The following LRMDA variants were observed in gnomAD, a reference collection of about 807,000 sequenced individuals.
The protein encoded by LRMDA is leucine rich melanocyte differentiation associated.
A neutral mutation model predicts 29.8 loss-of-function variants in LRMDA; 18 were observed. The observed-to-expected ratio is 0.60, with a 90% CI of 0.42 to 0.90. The LOEUF is 0.90. Among genes scored for constraint, LRMDA ranks in the 40% least tolerant of loss-of-function variants. The pLI, the probability that LRMDA is intolerant of heterozygous loss-of-function variation, is 0.00. For synonymous variants in LRMDA, 125 were observed against 109.4 expected, an observed-to-expected ratio of 1.14 and a Z score of -0.89; for missense variants, 273 against 273.9, an observed-to-expected ratio of 1.00 and a Z score of 0.02.
chr10:75,536,043 C>G (rs1342996303), intron 2 of LRMDA, among the ~76,000 whole-genome samples: 1 of 152,206 alleles, frequency 6.6e-6, no homozygotes, highest in East Asian at 1.9e-4. Flanking sequence ...TCCTTATTGT[C>G]TGACCTGGCT....
intron 2 of LRMDA, among the ~76,000 whole-genome samples, chr10:75,956,784 G>T (rs1449637468): frequency 6.6e-6 from 1 of 152,214 alleles, no homozygotes; most frequent in Non-Finnish European, 1.5e-5. Context: ...CCTTTTTAAG[G>T]ATATGACATC....
chr10:75,448,365 C>A (rs1022483586), intron 2 of LRMDA, among the ~76,000 whole-genome samples: 2 of 152,136 alleles, frequency 1.3e-5, no homozygotes, highest in African/African-American at 4.8e-5. Context: ...ACTGCCCCAC[C>A]CTCTCCCTCT....
At chr10:75,889,571 G>A (rs1328339316) in intron 2 of LRMDA, among the ~76,000 whole-genome samples, 1 of 152,184 alleles carries the variant, frequency 6.6e-6, no homozygotes, top group East Asian at 1.9e-4. Context: ...GGAGGTAACT[G>A]TGAGCAGCAA....
At chr10:75,924,214 G>T (rs567172099) in intron 2 of LRMDA, among the ~76,000 whole-genome samples, 4 of 152,112 alleles carry the variant, frequency 2.6e-5, no homozygotes, top group Admixed American at 1.3e-4. Context: ...TTTTAAAGCC[G>T]TGCAATGCAG....
intron 6 of LRMDA, among the ~76,000 whole-genome samples, chr10:76,520,635 G>T (rs1265086446): frequency 2.0e-5 from 3 of 152,024 alleles, no homozygotes; most frequent in African/African-American, 7.2e-5. Flanking sequence ...ACATTCTCAC[G>T]TAACCAAAGT....
At chr10:76,253,006 C>A (rs954264302) in intron 5 of LRMDA, among the ~76,000 whole-genome samples, 3 of 152,192 alleles carry the variant, frequency 2.0e-5, no homozygotes, top group African/African-American at 7.2e-5. Context: ...ATGAGCGGGG[C>A]AACTTCCAGG....
At chr10:76,223,600 T>TTACC (rs1282900028) in intron 5 of LRMDA, among the ~76,000 whole-genome samples, 1 of 152,200 alleles carries the variant, frequency 6.6e-6, no homozygotes, top group African/African-American at 2.4e-5. Flanking sequence ...ATTAATGCCC[T>TTACC]TACCTGTGGG....
intron 2 of LRMDA, among the ~76,000 whole-genome samples, chr10:75,527,207 C>T (rs988394579): frequency 1.3e-5 from 2 of 152,222 alleles, no homozygotes; most frequent in Non-Finnish European, 2.9e-5. Flanking sequence ...TATGCCAATA[C>T]TTCATTCCTT....
Position 76,259,393 on chromosome 10 carries a change from T to C in LRMDA, c.517-65008T>C, listed in dbSNP as rs140752887. 8.3e-4 allele frequency among the ~76,000 whole-genome samples: 126 copies of C among 152,280 alleles called. 1 individual carries two copies. Among genetic ancestry groups the C allele is most frequent in the Middle Eastern group, 3.4e-3 (1 of 294 alleles). ...ACAGTTTCCAGCATTCCTTTTGTTA[T>C]TGACTTCTAGTTTTATTCTATTGTC... On this transcript the variant is annotated intron_variant, in intron 5 of 6. Coordinates refer to ENST00000611255, the MANE Select transcript of LRMDA (RefSeq NM_001305581.2).
intron 2 of LRMDA, among the ~76,000 whole-genome samples, chr10:75,773,156 C>T (rs1843267081): frequency 6.6e-6 from 1 of 152,124 alleles, no homozygotes; most frequent in East Asian, 1.9e-4. Context: ...ATCACAGCAT[C>T]CCTAGCTTCT....
chr10:76,388,127 G>A (rs553025648), intron 6 of LRMDA, among the ~76,000 whole-genome samples: 1 of 152,300 alleles, frequency 6.6e-6, no homozygotes, highest in South Asian at 2.1e-4. Flanking sequence ...AGCTAGGTCA[G>A]TAGATATCTA....
chr10:75,572,941 C>T (rs1840455520), intron 2 of LRMDA, among the ~76,000 whole-genome samples: 1 of 152,182 alleles, frequency 6.6e-6, no homozygotes, highest in Non-Finnish European at 1.5e-5. Context: ...AGAAGGCAGC[C>T]ATCTACAATC....
intron 2 of LRMDA, among the ~76,000 whole-genome samples, chr10:75,875,081 A>AC (rs1377346295): frequency 6.6e-6 from 1 of 152,200 alleles, no homozygotes; most frequent in Non-Finnish European, 1.5e-5. Context: ...GATAATGGTA[A>AC]CATGCACAGG....
intron 5 of LRMDA, among the ~76,000 whole-genome samples, chr10:76,233,008 A>G (rs1852088810): frequency 6.6e-6 from 1 of 152,254 alleles, no homozygotes; most frequent in Non-Finnish European, 1.5e-5. Flanking sequence ...AGGTGGGGAC[A>G]GTCAGAGAAA....
At chr10:75,914,062 G>C (rs1189259363) in intron 2 of LRMDA, among the ~76,000 whole-genome samples, 1 of 152,226 alleles carries the variant, frequency 6.6e-6, no homozygotes, top group Non-Finnish European at 1.5e-5. Flanking sequence ...AAGAAGCAGA[G>C]GTTTACGAAA....
chr10:76,043,552 TAAAAA>T (rs5786210), intron 3 of LRMDA, among the ~76,000 whole-genome samples: 1 of 146,738 alleles, frequency 6.8e-6, no homozygotes, highest in Non-Finnish European at 1.5e-5. Context: ...TTTTTCAAAT[TAAAAA>T]AAAAAAAAAT....
At chr10:75,967,419 G>A (rs1446266198) in intron 2 of LRMDA, among the ~76,000 whole-genome samples, 1 of 152,116 alleles carries the variant, frequency 6.6e-6, no homozygotes, top group South Asian at 2.1e-4. Context: ...AGTCCCAGGA[G>A]TTTCCAGGCT....
At chr10:76,304,117 T>C (rs1840518998) in intron 5 of LRMDA, among the ~76,000 whole-genome samples, 1 of 152,146 alleles carries the variant, frequency 6.6e-6, no homozygotes, top group African/African-American at 2.4e-5. Context: ...TGGATTATAC[T>C]TTTAATTACT....
intron 5 of LRMDA, among the ~76,000 whole-genome samples, chr10:76,062,652 C>CTGTGTG (rs1231437962): frequency 2.6e-5 from 3 of 114,882 alleles, no homozygotes; most frequent in Non-Finnish European, 5.1e-5. Flanking sequence ...CAGACTTTAT[C>CTGTGTG]TCTCTGTGTG....
Sources: allele counts gnomAD v4.1 joint callset (sites outside exome capture counted in the v4.1 genomes callset), GRCh38; gene constraint gnomAD v4.1.1; transcripts MANE v1.5; gene names NCBI Gene and HGNC (gene_info 2026-07-23, HGNC 2026-07-21).